The following CTNNA2 variants were observed in gnomAD, a reference collection of about 807,000 sequenced individuals.
CTNNA2 encodes catenin alpha 2.
In CTNNA2, 42 loss-of-function variants were observed where a neutral mutation model predicts 101.0. That is an observed-to-expected ratio of 0.42 (90% CI 0.32 to 0.54). The LOEUF (loss-of-function observed/expected upper bound fraction) is 0.54. CTNNA2 is among the 20% of genes least tolerant of loss of function. CTNNA2 has a pLI of 0.14. For missense variants in CTNNA2, 871 were observed against 1,223.1 expected (o/e 0.71, Z 4.29); for synonymous variants, 450 against 456.4 (o/e 0.99, Z 0.18).
chr2:79,929,114 T>C (rs1291123502), intron 7 of CTNNA2, among the ~76,000 whole-genome samples: 1 of 152,132 alleles, frequency 6.6e-6, no homozygotes, highest in Non-Finnish European at 1.5e-5. Flanking sequence ...AGCAAAGACT[T>C]TCCACGTTTT....
intron 7 of CTNNA2, among the ~76,000 whole-genome samples, chr2:80,391,549 G>T (rs930180611): frequency 9.2e-5 from 14 of 152,158 alleles, no homozygotes; most frequent in Non-Finnish European, 1.9e-4. Context: ...TTTTCAGAAG[G>T]ATCATGGTCC....
intron 4 of CTNNA2, among the ~76,000 whole-genome samples, chr2:79,864,091 GA>G (rs1442331509): frequency 2.0e-5 from 3 of 152,234 alleles, no homozygotes; most frequent in Admixed American, 1.3e-4. Context: ...GGCCAACTGG[GA>G]AAGGAGTAAT....
intron 9 of CTNNA2, among the ~76,000 whole-genome samples, chr2:80,494,496 C>T (rs1263563428): frequency 2.6e-5 from 4 of 151,842 alleles, no homozygotes; most frequent in Non-Finnish European, 5.9e-5. Context: ...GGGGACTATA[C>T]ATAGATTTTT....
intron 7 of CTNNA2, among the ~76,000 whole-genome samples, chr2:80,053,856 C>A (rs540444656): frequency 6.6e-6 from 1 of 152,318 alleles, no homozygotes; most frequent in East Asian, 1.9e-4. Flanking sequence ...ACTGTCATTT[C>A]TTAGCAAATT....
chr2:80,297,077 C>A (rs1425263845), intron 7 of CTNNA2, among the ~76,000 whole-genome samples: 3 of 152,176 alleles, frequency 2.0e-5, no homozygotes, highest in Admixed American at 6.5e-5. Context: ...GGAGAAGTCT[C>A]CTCTATTGGC....
At chr2:80,407,140 G>C in intron 8 of CTNNA2, among the ~76,000 whole-genome samples, 1 of 152,100 alleles carries the variant, frequency 6.6e-6, no homozygotes, top group East Asian at 1.9e-4. Flanking sequence ...ATTTCTTAGG[G>C]ACCACTAGAA....
chr2:80,271,394 C>T (rs1673457713), intron 7 of CTNNA2, among the ~76,000 whole-genome samples: 1 of 150,848 alleles, frequency 6.6e-6, no homozygotes, highest in South Asian at 2.1e-4. Flanking sequence ...AATTATACCA[C>T]ATTGACCAAG....
At chr2:80,555,007 A>G (rs1325043463) in intron 11 of CTNNA2, among the ~76,000 whole-genome samples, 1 of 152,132 alleles carries the variant, frequency 6.6e-6, no homozygotes, top group African/African-American at 2.4e-5. Context: ...CAATCATATG[A>G]AAGTTATGCA....
intron 7 of CTNNA2, among the ~76,000 whole-genome samples, chr2:80,002,729 C>G (rs975588716): frequency 6.6e-6 from 1 of 152,042 alleles, no homozygotes; most frequent in Non-Finnish European, 1.5e-5. Flanking sequence ...TCCTCCACCC[C>G]CTGATCAATC....
chr2:80,098,242 C>T (rs1246294941), intron 7 of CTNNA2, among the ~76,000 whole-genome samples: 1 of 152,188 alleles, frequency 6.6e-6, no homozygotes, highest in East Asian at 1.9e-4. Flanking sequence ...CCCTCAGCTG[C>T]AGGTCTGTTG....
chr2:79,332,751 C>A (rs748352685), intron 3 of CTNNA2, among the ~76,000 whole-genome samples: 27 of 152,028 alleles, frequency 1.8e-4, no homozygotes, highest in Non-Finnish European at 4.4e-5. Flanking sequence ...TAGTCAAAAC[C>A]CACACCCTGT....
At chr2:80,239,689 A>G (rs1372228983) in intron 7 of CTNNA2, among the ~76,000 whole-genome samples, 1 of 152,122 alleles carries the variant, frequency 6.6e-6, no homozygotes, top group African/African-American at 2.4e-5. Context: ...AGGTGGGTGG[A>G]TCACCTGAGG....
At chr2:80,154,141 A>G (rs1236278687) in intron 7 of CTNNA2, among the ~76,000 whole-genome samples, 1 of 152,218 alleles carries the variant, frequency 6.6e-6, no homozygotes, top group African/African-American at 2.4e-5. Flanking sequence ...TATAATTATT[A>G]TTTAGGCACT....
At chr2:79,397,068 G>T (rs186222606) in intron 4 of CTNNA2, among the ~76,000 whole-genome samples, 1 of 152,130 alleles carries the variant, frequency 6.6e-6, no homozygotes, top group African/African-American at 2.4e-5. Context: ...TGACACTGCT[G>T]GTCCAGGGAC....
rs149511293 is a variant in CTNNA2 at position 80,595,275 on chromosome 2, T to G, written c.2189+5790T>G. 1.6e-3 allele frequency among the ~76,000 whole-genome samples: 235 copies of G among 142,752 alleles called. 1 individual carries two copies. Among genetic ancestry groups the G allele is most frequent in the Middle Eastern group, 3.6e-3 (1 of 274 alleles). 93.7% of individuals were successfully genotyped at this position (142,752 alleles called of 152,430 possible). ...TCTAAATGGAGTTATTTTCTTCATT[T>G]TCTTTTAGGATTTTTTTATTTACTA... On this transcript the variant is annotated intron_variant, in intron 15 of 18. Coordinates refer to ENST00000402739, the MANE Select transcript of CTNNA2 (RefSeq NM_001282597.3).
chr2:79,672,404 AG>A (rs1682900449), intron 2 of CTNNA2, among the ~76,000 whole-genome samples: 1 of 152,222 alleles, frequency 6.6e-6, no homozygotes, highest in South Asian at 2.1e-4. Context: ...GAACATGAAT[AG>A]AAATGTCCAA....
chr2:80,361,370 G>A (rs911440585), intron 7 of CTNNA2, among the ~76,000 whole-genome samples: 2 of 152,000 alleles, frequency 1.3e-5, no homozygotes, highest in African/African-American at 2.4e-5. Context: ...TTTTTACTCA[G>A]CGTGGGTGCA....
chr2:80,632,000 G>C (rs1189380184), intron 18 of CTNNA2, among the ~76,000 whole-genome samples: 1 of 152,068 alleles, frequency 6.6e-6, no homozygotes, highest in Non-Finnish European at 1.5e-5. Context: ...CAATAGAGAA[G>C]TACTAATCAA....
chr2:80,479,612 C>T (rs1363041580), intron 9 of CTNNA2, among the ~76,000 whole-genome samples: 1 of 151,974 alleles, frequency 6.6e-6, no homozygotes. Flanking sequence ...GCTCTTGGAT[C>T]AACAGGTGGA....
Sources: gnomAD v4.1 joint callset for allele counts (sites outside exome capture counted in the v4.1 genomes callset) on GRCh38, gnomAD v4.1.1 for gene constraint, MANE v1.5 for transcripts, NCBI Gene and HGNC (gene_info 2026-07-23, HGNC 2026-07-21) for gene names.